The following NSMCE2 variants were observed in gnomAD, a reference collection of about 807,000 sequenced individuals.
The protein encoded by NSMCE2 is NSE2 SUMO ligase component of SMC5/6 complex, also known as E3 SUMO-protein ligase NSE2.
Under a neutral mutation model 23.8 loss-of-function variants are expected in NSMCE2, and 24 were observed. The ratio of observed to expected loss-of-function variants is 1.01; its 90% CI spans 0.73 to 1.42. The LOEUF is 1.42. Among genes scored for constraint, NSMCE2 ranks in the 40% most tolerant of loss-of-function variants. The probability of loss-of-function intolerance (pLI) is 0.00; values close to 1 mark genes in which losing one functional copy is unlikely to be tolerated. For missense variants in NSMCE2, 284 were observed against 296.5 expected, an observed-to-expected ratio of 0.96 and a Z score of 0.31; for synonymous variants, 92 against 94.1, an observed-to-expected ratio of 0.98 and a Z score of 0.13.
intron 3 of NSMCE2, among the ~76,000 whole-genome samples, chr8:125,125,683 G>A (rs115482590): frequency 6.6e-6 from 1 of 152,332 alleles, no homozygotes; most frequent in African/African-American, 2.4e-5. Context: ...AGAGCTGTGA[G>A]CAGCTTGGTG....
At position 125,194,001 on chromosome 8, in the gene NSMCE2, G is replaced by GTA. The variant is rs576014502; in HGVS notation, c.418+11749_418+11750dup. On this transcript the variant is annotated intron_variant, in intron 5 of 7. Transcript: ENST00000287437. The stretch of plus-strand genomic sequence containing the variant: ...TTCTTGTGGAGAGTGTTGCCTCTTT[G>GTA]TATATGTTGAAAGAGGAGGAGGAAT... 3.5e-4 allele frequency among the ~76,000 whole-genome samples: 54 copies of GTA among 152,280 alleles called. No homozygotes were observed. In the South Asian group the frequency reaches 0.011, roughly 30 times the overall value.
At chr8:125,217,522 G>A (rs1045580991) in intron 5 of NSMCE2, among the ~76,000 whole-genome samples, 1 of 151,864 alleles carries the variant, frequency 6.6e-6, no homozygotes, top group African/African-American at 2.4e-5. Flanking sequence ...CGCCACACAT[G>A]GCTAATTTTG....
At chr8:125,159,149 T>A (rs1821471867) in intron 4 of NSMCE2, among the ~76,000 whole-genome samples, 2 of 152,188 alleles carry the variant, frequency 1.3e-5, no homozygotes, top group Admixed American at 1.3e-4. Context: ...GCAAGAAAGA[T>A]TATATTCACA....
chr8:125,299,584 A>G (rs1310852513), intron 5 of NSMCE2, among the ~76,000 whole-genome samples: 3 of 152,058 alleles, frequency 2.0e-5, no homozygotes, highest in Non-Finnish European at 1.5e-5. Flanking sequence ...CTCCCTCAAC[A>G]TGTGGGGACT....
intron 5 of NSMCE2, among the ~76,000 whole-genome samples, chr8:125,272,732 C>A (rs1254507747): frequency 7.7e-6 from 1 of 129,258 alleles, no homozygotes; most frequent in Non-Finnish European, 1.7e-5. Context: ...TATATATACA[C>A]ACACACACAT....
intron 5 of NSMCE2, among the ~76,000 whole-genome samples, chr8:125,266,092 C>CTTTTT (rs71295827): frequency 2.3e-5 from 3 of 132,414 alleles, no homozygotes; most frequent in Admixed American, 8.0e-5. Context: ...CAAATTTTTT[C>CTTTTT]TTTTTTTTTT....
chr8:125,328,808 G>A (rs983562984), intron 5 of NSMCE2, among the ~76,000 whole-genome samples: 2 of 151,814 alleles, frequency 1.3e-5, no homozygotes, highest in South Asian at 2.1e-4. Context: ...TGGCAGGGGA[G>A]TTATAATCTT....
At chr8:125,319,507 G>C (rs965892564) in intron 5 of NSMCE2, among the ~76,000 whole-genome samples, 1 of 152,182 alleles carries the variant, frequency 6.6e-6, no homozygotes, top group Non-Finnish European at 1.5e-5. Context: ...ATGTTAATTA[G>C]ATACATGGAA....
rs1221665131 is a variant in NSMCE2 at position 125,342,120 on chromosome 8, A to C, written c.419-15099A>C. ...AAAATGCCCTCCTGGACTGCTTCTCAGCACTCTATTTCTGTGTGGCACAGC... is the reference window on the plus strand; with the variant it reads ...AAAATGCCCTCCTGGACTGCTTCTCCGCACTCTATTTCTGTGTGGCACAGC... On this transcript the variant is annotated intron_variant, in intron 5 of 7. Coordinates refer to ENST00000287437, the MANE Select transcript of NSMCE2 (RefSeq NM_173685.4). Among the ~76,000 whole-genome samples, 10 of 152,128 alleles carry C rather than the reference A, an allele frequency of 6.6e-5. 1 individual carries two copies. The highest frequency in any genetic ancestry group is 6.5e-4 in the Admixed American group (10 of 15,268).
chr8:125,098,107 A>T (rs1818019473), intron 1 of NSMCE2, among the ~76,000 whole-genome samples: 1 of 152,170 alleles, frequency 6.6e-6, no homozygotes, highest in African/African-American at 2.4e-5. Flanking sequence ...TTACCTGGAA[A>T]TTTGTTAGAA....
chr8:125,182,623 A>G lies in NSMCE2; in HGVS notation c.418+367A>G, dbSNP rs556590196. ...TGCTGTGCCATGCTTTAAAATAACC[A>G]TACTTTGATTCTGGTTTTGCCTCTT... On this transcript the variant is annotated intron_variant, in intron 5 of 7. Coordinates refer to ENST00000287437, the MANE Select transcript of NSMCE2 (RefSeq NM_173685.4). The G allele has an allele frequency of 1.9e-5, 6 of 308,300 alleles. No homozygotes were observed. The South Asian group carries it at 5.3e-4, about 27-fold the overall frequency. The allele number at this position is 308,300 out of a possible 1,614,324, so 19.1% of individuals were successfully genotyped here. A position where few individuals can be genotyped will look rare whatever the true frequency, so the allele number is the denominator to read the frequency against.
At chr8:125,154,734 A>G (rs182991260) in intron 4 of NSMCE2, among the ~76,000 whole-genome samples, 56 of 152,276 alleles carry the variant, frequency 3.7e-4, no homozygotes, top group Middle Eastern at 3.4e-3. Context: ...ACATGTCATA[A>G]AAGTGTTTTT....
intron 3 of NSMCE2, among the ~76,000 whole-genome samples, chr8:125,112,830 A>G (rs1374404122): frequency 6.6e-6 from 1 of 152,166 alleles, no homozygotes; most frequent in African/African-American, 2.4e-5. Flanking sequence ...ATTGTATAAT[A>G]TGGTGACTAT....
chr8:125,304,896 GAGAGAGAAAGAAAGGAA>G (rs1274600671), intron 5 of NSMCE2, among the ~76,000 whole-genome samples: 13 of 140,398 alleles, frequency 9.3e-5, no homozygotes, highest in Middle Eastern at 3.8e-3. Flanking sequence ...AAAAAAAAAA[GAGAGAGAAAGAAAGGAA>G]AGAGAGAAAG....
At chr8:125,308,200 G>C (rs1828835636) in intron 5 of NSMCE2, among the ~76,000 whole-genome samples, 1 of 152,052 alleles carries the variant, frequency 6.6e-6, no homozygotes, top group Admixed American at 6.5e-5. Flanking sequence ...CAAATGAAAA[G>C]TGAAAATTCT....
At chr8:125,364,405 T>C (rs1813696928) in intron 7 of NSMCE2, among the ~76,000 whole-genome samples, 2 of 152,208 alleles carry the variant, frequency 1.3e-5, no homozygotes, top group Admixed American at 1.3e-4. Context: ...AAATTGGAGC[T>C]CCCATGACCA....
chr8:125,266,178 G>A (rs981352401), intron 5 of NSMCE2, among the ~76,000 whole-genome samples: 2 of 145,124 alleles, frequency 1.4e-5, no homozygotes, highest in East Asian at 2.1e-4. Flanking sequence ...CGCAACCTCC[G>A]CCTCCCAGGT....
In NSMCE2 at chr8:125,118,271, G is replaced by A. The variant is rs138028152; in HGVS notation, c.157+15784G>A. On this transcript the variant is annotated intron_variant, in intron 3 of 7. Transcript: ENST00000287437. ...TAAGGTGGGAGGATCACTTGAACCC[G>A]GGAGGCTAAGGTGGGAGGATCACTT... 2.4e-3 allele frequency among the ~76,000 whole-genome samples: 358 copies of A among 152,254 alleles called. 1 individual carries two copies. Among genetic ancestry groups the A allele is most frequent in the African/African-American group, 8.3e-3 (344 of 41,542 alleles).
At chr8:125,193,483 AAACACTGCTGGTTGTAGCATTAT>A (rs1823458063) in intron 5 of NSMCE2, among the ~76,000 whole-genome samples, 2 of 152,262 alleles carry the variant, frequency 1.3e-5, no homozygotes, top group South Asian at 4.1e-4. Context: ...TTCATAGAAT[AAACACTGCTGGTTGTAGCATTAT>A]GCTTCTACCT....
Sources: allele counts gnomAD v4.1 joint callset (sites outside exome capture counted in the v4.1 genomes callset), GRCh38; gene constraint gnomAD v4.1.1; transcripts MANE v1.5; gene names NCBI Gene and HGNC (gene_info 2026-07-23, HGNC 2026-07-21).